The following HSPB9 variants were observed in gnomAD, a reference collection of about 807,000 sequenced individuals.
HSPB9 encodes the protein heat shock protein family B (small) member 9.
For missense variants in HSPB9, 203 were observed against 213.4 expected (o/e 0.95, Z 0.30); for synonymous variants, 98 against 92.7 (o/e 1.06, Z -0.33).
In HSPB9 at chr17:42,123,040, G is replaced by T; in HGVS notation, c.190G>T (p.Ala64Ser). Residue 64 changes from alanine (A) to serine (S), a missense_variant, in exon 1 of 1, where the codon GCC becomes TCC. Physicochemically the swap from Ala to Ser is moderately conservative, Grantham distance 99. Transcript: ENST00000565659. ...FQMKLDAHGF[A>S]PEELVVQVDG... is the part of the protein sequence containing the mutation. ...AATGAAGCTGGATGCCCACGGCTTC[G>T]CCCCGGAGGAACTGGTGGTGCAGGT... 1.2e-6 allele frequency: 2 copies of T among 1,614,202 alleles called. No individual in the cohort carries two copies. The highest frequency in any genetic ancestry group is 1.7e-6 in the Non-Finnish European group (2 of 1,180,024).
rs999186456 is a variant in HSPB9, at chr17:42,123,042, C to T, written c.192C>T (p.Ala64=). ...TGAAGCTGGATGCCCACGGCTTCGC[C>T]CCGGAGGAACTGGTGGTGCAGGTGG... The part of the protein sequence containing the change: ...FQMKLDAHGF[A]PEELVVQVDG... Residue 64 remains alanine (A), a synonymous_variant, in exon 1 of 1, where the codon GCC becomes GCT. Coordinates refer to ENST00000565659, the MANE Select transcript of HSPB9 (RefSeq NM_033194.3). The T allele has an allele frequency of 2.0e-5, 33 of 1,614,212 alleles. No individual in the cohort carries two copies. The highest frequency in any genetic ancestry group is 2.7e-5 in the Non-Finnish European group (32 of 1,180,028).
rs1255138049 is a variant in HSPB9 at position 42,123,072 on chromosome 17, C to A, written c.222C>A (p.Gly74=). 1 of 1,614,098 alleles carries A rather than the reference C, an allele frequency of 6.2e-7. No individual in the cohort carries two copies. The highest frequency in any genetic ancestry group is 8.5e-7 in the Non-Finnish European group (1 of 1,180,036). Residue 74 remains glycine, a synonymous_variant, in exon 1 of 1, where the codon GGC becomes GGA. Coordinates refer to ENST00000565659, the MANE Select transcript of HSPB9 (RefSeq NM_033194.3). ...APEELVVQVD[G]QWLMVTGQQQ... ...AGGAACTGGTGGTGCAGGTGGATGGCCAATGGCTGATGGTGACCGGACAGC... is the reference window on the plus strand; with the variant it reads ...AGGAACTGGTGGTGCAGGTGGATGGACAATGGCTGATGGTGACCGGACAGC...
chr17:42,123,338 ACG>A lies in HSPB9; in HGVS notation c.*11_*12del. The stretch of plus-strand genomic sequence containing the variant: ...TCCAACCTGACCCGGTAAACAAACG[ACG>A]CGATGTGCAGCAGCCTTGGTGTCCG... On this transcript the variant is annotated 3_prime_UTR_variant, in exon 1 of 1. Transcript: ENST00000565659. 6.3e-7 allele frequency: 1 copy of A among 1,596,306 alleles called. No individual in the cohort carries two copies. Among genetic ancestry groups the A allele is most frequent in the Non-Finnish European group, 8.5e-7 (1 of 1,173,178 alleles).
Position 42,123,103 on chromosome 17 carries a change from C to G in HSPB9, c.253C>G (p.Leu85Val). Residue 85 changes from leucine (L) to valine (V), a missense_variant, in exon 1 of 1, where the codon CTG becomes GTG. Coordinates refer to ENST00000565659, the MANE Select transcript of HSPB9 (RefSeq NM_033194.3). ...GCTGATGGTGACCGGACAGCAGCAA[C>G]TGGACGTCAGGGACCCGGAAAGGGT... is the stretch of plus-strand genomic sequence containing the variant. ...QWLMVTGQQQ[L>V]DVRDPERVSY... 1 of 1,614,232 alleles carries G rather than the reference C, an allele frequency of 6.2e-7. No individual in the cohort carries two copies. Among genetic ancestry groups the G allele is most frequent in the South Asian group, 1.1e-5 (1 of 91,090 alleles).
chr17:42,123,071 G>A lies in HSPB9; in HGVS notation c.221G>A (p.Gly74Asp). ...GAGGAACTGGTGGTGCAGGTGGATG[G>A]CCAATGGCTGATGGTGACCGGACAG... ...APEELVVQVD[G>D]QWLMVTGQQQ... Residue 74 changes from glycine to aspartate, a missense_variant, in exon 1 of 1, where the codon GGC (glycine) becomes GAC (aspartate). Transcript: ENST00000565659. 2 of 1,614,216 alleles carry A rather than the reference G, an allele frequency of 1.2e-6. No individual in the cohort carries two copies. The highest frequency in any genetic ancestry group is 1.7e-6 in the Non-Finnish European group (2 of 1,180,026).
rs1056912804 is a variant in HSPB9 at position 42,122,947 on chromosome 17, C to G, written c.97C>G (p.Pro33Ala). ...LAERNRVATM[P>A]VRLLRDSPAA... ...TGAACGGAACCGGGTGGCCACAATG[C>G]CGGTGCGGCTGCTCAGGGACAGTCC... The change falls in exon 1 of 1, where the codon CCG becomes GCG. Residue 33 changes from proline (P) to alanine (A), a missense_variant. Coordinates refer to ENST00000565659, the MANE Select transcript of HSPB9 (RefSeq NM_033194.3). The G allele has an allele frequency of 1.9e-6, 3 of 1,613,932 alleles. No homozygotes were observed. In the East Asian group the frequency reaches 6.7e-5, roughly 36 times the overall value.
In HSPB9 at chr17:42,123,218, G is replaced by C. The variant is rs556366191; in HGVS notation, c.368G>C (p.Gly123Ala). ...TAMTCCLTPSGQLWVRGQCVA... is the reference protein window; with the variant it reads ...TAMTCCLTPSAQLWVRGQCVA... ...ATGACCTGCTGCCTGACCCCCTCCG[G>C]GCAGCTGTGGGTCAGAGGCCAGTGT... The change falls in exon 1 of 1, where the codon GGG becomes GCG. Residue 123 changes from glycine to alanine, a missense_variant. Gly to Ala is a moderately conservative substitution (Grantham distance 60, BLOSUM62 0). Coordinates refer to ENST00000565659, the MANE Select transcript of HSPB9 (RefSeq NM_033194.3). The C allele has an allele frequency of 1.2e-6, 2 of 1,613,824 alleles. No homozygotes were observed. Among genetic ancestry groups the C allele is most frequent in the East Asian group, 4.5e-5 (2 of 44,870 alleles).
Position 42,123,166 on chromosome 17 carries a change from C to G in HSPB9, c.316C>G (p.Leu106Val), listed in dbSNP as rs373696616. Residue 106 changes from leucine to valine, a missense_variant, in exon 1 of 1, where the codon CTC becomes GTC. Physicochemically the swap from Leu to Val is conservative, Grantham distance 32. Coordinates refer to ENST00000565659, the MANE Select transcript of HSPB9 (RefSeq NM_033194.3). ...GTCACAGAAGGTGCACCGGAAAATGCTCCCGTCCAACCTGAGTCCTACCGC... is the reference window on the plus strand; with the variant it reads ...GTCACAGAAGGTGCACCGGAAAATGGTCCCGTCCAACCTGAGTCCTACCGC... Reference protein sequence around the residue: ...RMSQKVHRKMLPSNLSPTAMT... With the variant: ...RMSQKVHRKMVPSNLSPTAMT... 584 of 1,614,150 alleles carry G rather than the reference C, an allele frequency of 3.6e-4. 7 individuals are homozygous for G. In the South Asian group the frequency reaches 6.0e-3, roughly 17 times the overall value.
rs373825736 is a variant in HSPB9 at position 42,123,288 on chromosome 17, A to C, written c.438A>C (p.Arg146Ser). Residue 146 changes from arginine to serine, a missense_variant, in exon 1 of 1, where the codon AGA (arginine) becomes AGC (serine). Coordinates refer to ENST00000565659, the MANE Select transcript of HSPB9 (RefSeq NM_033194.3). Reference protein sequence around the residue: ...LPEAQTGPSPRLGSLGSKASN... With the variant: ...LPEAQTGPSPSLGSLGSKASN... ...AAGCCCAAACAGGACCGTCCCCGAG[A>C]CTCGGGAGCCTCGGCTCTAAGGCTT... is the stretch of plus-strand genomic sequence containing the variant. 16 of 1,610,534 alleles carry C rather than the reference A, an allele frequency of 9.9e-6. No homozygotes were observed. The African/African-American group carries it at 1.7e-4, about 17-fold the overall frequency.
rs76773889 is a variant in HSPB9, at chr17:42,123,149, A to G, written c.299A>G (p.Lys100Arg). 7.2e-4 allele frequency: 1,167 copies of G among 1,614,154 alleles called. 7 individuals are homozygous for G. The African/African-American group carries it at 0.014, about 19-fold the overall frequency. The change falls in exon 1 of 1, where the codon AAG becomes AGG. Residue 100 changes from lysine to arginine, a missense_variant. Coordinates refer to ENST00000565659, the MANE Select transcript of HSPB9 (RefSeq NM_033194.3). ...AGGGTCAGTTACCGCATGTCACAGAAGGTGCACCGGAAAATGCTCCCGTCC... is the reference window on the plus strand; with the variant it reads ...AGGGTCAGTTACCGCATGTCACAGAGGGTGCACCGGAAAATGCTCCCGTCC... ...PERVSYRMSQ[K>R]VHRKMLPSNL...
Position 42,123,006 on chromosome 17 carries a change from C to T in HSPB9, c.156C>T (p.Asp52=), listed in dbSNP as rs1365775567. Reference sequence around the variant, plus strand: ...AGGAGGACAATGACCATGCCAGAGACGGTTTCCAAATGAAGCTGGATGCCC... The same window carrying T: ...AGGAGGACAATGACCATGCCAGAGATGGTTTCCAAATGAAGCTGGATGCCC... ...AAQEDNDHAR[D]GFQMKLDAHG... is the part of the protein sequence containing the mutation. The change falls in exon 1 of 1, where the codon GAC becomes GAT. Residue 52 remains aspartate (D), a synonymous_variant. Coordinates refer to ENST00000565659, the MANE Select transcript of HSPB9 (RefSeq NM_033194.3). 1 of 1,614,212 alleles carries T rather than the reference C, an allele frequency of 6.2e-7. No homozygotes were observed. Among genetic ancestry groups the T allele is most frequent in the East Asian group, 2.2e-5 (1 of 44,882 alleles).
chr17:42,123,181 A>T lies in HSPB9; in HGVS notation c.331A>T (p.Ser111Cys), dbSNP rs371634853. 3 of 1,613,990 alleles carry T rather than the reference A, an allele frequency of 1.9e-6. No individual in the cohort carries two copies. The African/African-American group carries it at 4.0e-5, about 22-fold the overall frequency. ...VHRKMLPSNL[S>C]PTAMTCCLTP... ...CCGGAAAATGCTCCCGTCCAACCTG[A>T]GTCCTACCGCCATGACCTGCTGCCT... The change falls in exon 1 of 1, where the codon AGT becomes TGT. Residue 111 changes from serine to cysteine, a missense_variant. Coordinates refer to ENST00000565659, the MANE Select transcript of HSPB9 (RefSeq NM_033194.3).
chr17:42,123,099 G>A lies in HSPB9; in HGVS notation c.249G>A (p.Gln83=). Residue 83 remains glutamine (Q), a synonymous_variant, in exon 1 of 1, where the codon CAG becomes CAA. Coordinates refer to ENST00000565659, the MANE Select transcript of HSPB9 (RefSeq NM_033194.3). ...AATGGCTGATGGTGACCGGACAGCA[G>A]CAACTGGACGTCAGGGACCCGGAAA... The part of the protein sequence containing the change: ...DGQWLMVTGQ[Q]QLDVRDPERV... The A allele has an allele frequency of 1.9e-6, 3 of 1,614,234 alleles. No homozygotes were observed. The highest frequency in any genetic ancestry group is 2.5e-6 in the Non-Finnish European group (3 of 1,180,038).
Position 42,123,066 on chromosome 17 carries a change from G to A in HSPB9, c.216G>A (p.Val72=), listed in dbSNP as rs2054374722. ...CCCCGGAGGAACTGGTGGTGCAGGT[G>A]GATGGCCAATGGCTGATGGTGACCG... ...GFAPEELVVQ[V]DGQWLMVTGQ... Residue 72 remains valine, a synonymous_variant, in exon 1 of 1, where the codon GTG becomes GTA. Coordinates refer to ENST00000565659, the MANE Select transcript of HSPB9 (RefSeq NM_033194.3). The A allele has an allele frequency of 1.9e-6, 3 of 1,614,254 alleles. No homozygotes were observed. The highest frequency in any genetic ancestry group is 1.7e-5 in the Admixed American group (1 of 60,032).
chr17:42,122,894 C>T lies in HSPB9; in HGVS notation c.44C>T (p.Ala15Val), dbSNP rs1555667847. The T allele has an allele frequency of 2.5e-6, 4 of 1,613,244 alleles. No individual in the cohort carries two copies. Residue 15 changes from alanine to valine, a missense_variant, in exon 1 of 1, where the codon GCA becomes GTA. Ala to Val is a moderately conservative substitution (Grantham distance 64). Coordinates refer to ENST00000565659, the MANE Select transcript of HSPB9 (RefSeq NM_033194.3). Reference sequence around the variant, plus strand: ...ACCTTCTCCAACGAGAGCCGGGTGGCATCCCGGTGTCCCAGCGTGGGCCTT... The same window carrying T: ...ACCTTCTCCAACGAGAGCCGGGTGGTATCCCGGTGTCCCAGCGTGGGCCTT... ...GNTFSNESRV[A>V]SRCPSVGLAE... is the part of the protein sequence containing the mutation.
chr17:42,123,218 G>T lies in HSPB9; in HGVS notation c.368G>T (p.Gly123Val). The T allele has an allele frequency of 6.2e-7, 1 of 1,613,824 alleles. No homozygotes were observed. Among genetic ancestry groups the T allele is most frequent in the Non-Finnish European group, 8.5e-7 (1 of 1,180,022 alleles). Residue 123 changes from glycine (G) to valine (V), a missense_variant, in exon 1 of 1, where the codon GGG becomes GTG. Physicochemically the swap from Gly to Val is moderately radical, Grantham distance 109. Transcript: ENST00000565659. Reference protein sequence around the residue: ...TAMTCCLTPSGQLWVRGQCVA... With the variant: ...TAMTCCLTPSVQLWVRGQCVA... The stretch of plus-strand genomic sequence containing the variant: ...ATGACCTGCTGCCTGACCCCCTCCG[G>T]GCAGCTGTGGGTCAGAGGCCAGTGT...
chr17:42,123,315 C>T lies in HSPB9; in HGVS notation c.465C>T (p.Ser155=). The change falls in exon 1 of 1, where the codon TCC becomes TCT. Residue 155 remains serine (S), a synonymous_variant. Transcript: ENST00000565659. ...PRLGSLGSKA[S]NLTR ...TCGGGAGCCTCGGCTCTAAGGCTTC[C>T]AACCTGACCCGGTAAACAAACGACG... 6.2e-7 allele frequency: 1 copy of T among 1,604,428 alleles called. No individual in the cohort carries two copies. The highest frequency in any genetic ancestry group is 8.5e-7 in the Non-Finnish European group (1 of 1,176,734).
chr17:42,123,055 G>A lies in HSPB9; in HGVS notation c.205G>A (p.Val69Met). 2 of 1,614,240 alleles carry A rather than the reference G, an allele frequency of 1.2e-6. No individual in the cohort carries two copies. Among genetic ancestry groups the A allele is most frequent in the Non-Finnish European group, 1.7e-6 (2 of 1,180,042 alleles). ...DAHGFAPEELVVQVDGQWLMV... is the reference protein window; with the variant it reads ...DAHGFAPEELMVQVDGQWLMV... ...CCACGGCTTCGCCCCGGAGGAACTG[G>A]TGGTGCAGGTGGATGGCCAATGGCT... Residue 69 changes from valine to methionine, a missense_variant, in exon 1 of 1, where the codon GTG becomes ATG. Coordinates refer to ENST00000565659, the MANE Select transcript of HSPB9 (RefSeq NM_033194.3).
chr17:42,122,821 C>G lies in HSPB9; in HGVS notation c.-30C>G. On this transcript the variant is annotated 5_prime_UTR_variant, in exon 1 of 1. Coordinates refer to ENST00000565659, the MANE Select transcript of HSPB9 (RefSeq NM_033194.3). ...CTAGCTCTGCGCTGGGAGCCTCGCG[C>G]CCTTTGACAGCAGTTAGTTGCTGAC... is the stretch of plus-strand genomic sequence containing the variant. The G allele has an allele frequency of 2.5e-6, 4 of 1,589,278 alleles. No homozygotes were observed. Among genetic ancestry groups the G allele is most frequent in the Non-Finnish European group, 3.4e-6 (4 of 1,165,916 alleles).
Sources: gnomAD v4.1 joint callset for allele counts on GRCh38, gnomAD v4.1.1 for gene constraint, MANE v1.5 for transcripts, NCBI Gene and HGNC (gene_info 2026-07-23, HGNC 2026-07-21) for gene names.